Variants in MTUS2 observed in about 807,000 individuals in gnomAD.
MTUS2 encodes microtubule associated scaffold protein 2, also known as microtubule-associated tumor suppressor candidate 2.
A neutral mutation model predicts 114.1 loss-of-function variants in MTUS2; 40 were observed. The ratio of observed to expected loss-of-function variants is 0.35; its 90% CI spans 0.27 to 0.46. The LOEUF is 0.46. MTUS2 is among the 20% of genes least tolerant of loss of function. The pLI, the probability that MTUS2 is intolerant of heterozygous loss-of-function variation, is 1.00. For synonymous variants in MTUS2, 688 were observed against 672.0 expected, an observed-to-expected ratio of 1.02 and a Z score of -0.37; for missense variants, 1,679 against 1,705.4, an observed-to-expected ratio of 0.98 and a Z score of 0.27.
intron 5 of MTUS2, among the ~76,000 whole-genome samples, chr13:29,125,550 G>C (rs189523501): frequency 8.7e-4 from 132 of 152,294 alleles, no homozygotes; most frequent in Admixed American, 2.7e-3. Flanking sequence ...AGAATATGCT[G>C]TGCTGTTTCT....
intron 5 of MTUS2, among the ~76,000 whole-genome samples, chr13:29,118,480 A>T (rs1593495571): frequency 6.6e-6 from 1 of 152,180 alleles, no homozygotes; most frequent in Non-Finnish European, 1.5e-5. Flanking sequence ...TGAGGATGAG[A>T]TTCTATTGTT....
At chr13:29,432,889 A>G (rs1290679032) in intron 8 of MTUS2, among the ~76,000 whole-genome samples, 1 of 152,118 alleles carries the variant, frequency 6.6e-6, no homozygotes, top group African/African-American at 2.4e-5. Context: ...GAGTTGGGAG[A>G]GGCACCTCAC....
At chr13:28,984,648 A>G (rs954747557) in intron 2 of MTUS2, among the ~76,000 whole-genome samples, 3 of 152,216 alleles carry the variant, frequency 2.0e-5, no homozygotes, top group African/African-American at 7.2e-5. Flanking sequence ...CTATGACGTA[A>G]TTTGTCAAAT....
chr13:29,229,944 T>C (rs1166484095), intron 5 of MTUS2, among the ~76,000 whole-genome samples: 1 of 152,142 alleles, frequency 6.6e-6, no homozygotes, highest in African/African-American at 2.4e-5. Flanking sequence ...GCATTCGACT[T>C]TTAAAAATTA....
At chr13:28,932,228 G>T (rs193144008) in intron 2 of MTUS2, among the ~76,000 whole-genome samples, 2 of 152,304 alleles carry the variant, frequency 1.3e-5, no homozygotes, top group African/African-American at 4.8e-5. Flanking sequence ...ACGGACAATT[G>T]TGTGACCTTA....
chr13:28,889,555 G>A (rs1056115229), intron 2 of MTUS2, among the ~76,000 whole-genome samples: 6 of 152,266 alleles, frequency 3.9e-5, no homozygotes, highest in African/African-American at 9.6e-5. Flanking sequence ...AGGATTCCAC[G>A]TGTTCCCTTG....
chr13:29,314,819 C>G (rs1275621195), intron 6 of MTUS2, among the ~76,000 whole-genome samples: 1 of 152,140 alleles, frequency 6.6e-6, no homozygotes, highest in South Asian at 2.1e-4. Context: ...AGTTCTACTA[C>G]TGGGTATATA....
At chr13:29,333,206 C>G (rs1447172668) in intron 7 of MTUS2, among the ~76,000 whole-genome samples, 1 of 151,832 alleles carries the variant, frequency 6.6e-6, no homozygotes, top group Non-Finnish European at 1.5e-5. Flanking sequence ...TCTTTTCTTT[C>G]TTTTTTTTGA....
chr13:29,072,817 CTCT>C (rs1405286997), intron 4 of MTUS2, among the ~76,000 whole-genome samples: 1 of 152,200 alleles, frequency 6.6e-6, no homozygotes, highest in Non-Finnish European at 1.5e-5. Flanking sequence ...CATTGACCAA[CTCT>C]TCTAATTCTG....
At chr13:29,128,754 A>G (rs376804077) in intron 5 of MTUS2, among the ~76,000 whole-genome samples, 22 of 152,284 alleles carry the variant, frequency 1.4e-4, no homozygotes, top group African/African-American at 5.1e-4. Flanking sequence ...TCAAACATAA[A>G]AAAAATGCCA....
At chr13:28,920,666 G>A (rs1880991746) in intron 2 of MTUS2, among the ~76,000 whole-genome samples, 1 of 152,184 alleles carries the variant, frequency 6.6e-6, no homozygotes, top group Non-Finnish European at 1.5e-5. Flanking sequence ...GATGCCCTGA[G>A]TGGGTCCAAA....
intron 2 of MTUS2, among the ~76,000 whole-genome samples, chr13:29,000,424 G>A (rs887659706): frequency 6.6e-6 from 1 of 151,916 alleles, no homozygotes; most frequent in Admixed American, 6.6e-5. Flanking sequence ...GTGCAGTGGC[G>A]TGATCTCAGC....
At chr13:29,388,462 G>C (rs1872783543) in intron 8 of MTUS2, among the ~76,000 whole-genome samples, 1 of 151,124 alleles carries the variant, frequency 6.6e-6, no homozygotes, top group South Asian at 2.1e-4. Context: ...AATGATTACT[G>C]AGGCTAAACT....
chr13:28,823,764 A>G (rs1302971181), intron 1 of MTUS2, among the ~76,000 whole-genome samples: 1 of 152,188 alleles, frequency 6.6e-6, no homozygotes, highest in Non-Finnish European at 1.5e-5. Context: ...GTAATATATA[A>G]AGGAAAGAGG....
chr13:29,110,645 TC>T (rs199844695), intron 5 of MTUS2, among the ~76,000 whole-genome samples: 2,332 of 152,296 alleles, frequency 0.015, 30 homozygotes, highest in Non-Finnish European at 0.022. Context: ...TTTGCTTCCT[TC>T]CCACACATTT....
intron 9 of MTUS2, among the ~76,000 whole-genome samples, chr13:29,441,786 C>T (rs1877898018): frequency 6.6e-6 from 1 of 152,134 alleles, no homozygotes; most frequent in Non-Finnish European, 1.5e-5. Flanking sequence ...CATGTGTGCA[C>T]ACACACATGC....
intron 8 of MTUS2, among the ~76,000 whole-genome samples, chr13:29,369,027 A>AG (rs1197292449): frequency 1.3e-5 from 2 of 152,126 alleles, no homozygotes; most frequent in Admixed American, 1.3e-4. Flanking sequence ...AGCCAAACGG[A>AG]GGGGGCATCT....
chr13:29,493,990 T>G (rs1038700125), intron 12 of MTUS2, among the ~76,000 whole-genome samples: 1 of 152,224 alleles, frequency 6.6e-6, no homozygotes, highest in Non-Finnish European at 1.5e-5. Context: ...ACCTCCTTGG[T>G]CTACAGGCAC....
chr13:28,949,050 T>C (rs1566245092), intron 2 of MTUS2, among the ~76,000 whole-genome samples: 1 of 152,252 alleles, frequency 6.6e-6, no homozygotes, highest in Non-Finnish European at 1.5e-5. Flanking sequence ...GGAACATGTG[T>C]ATGTAGGAGA....
Sources: allele counts gnomAD v4.1 joint callset (sites outside exome capture counted in the v4.1 genomes callset), GRCh38; gene constraint gnomAD v4.1.1; transcripts MANE v1.5; gene names NCBI Gene and HGNC (gene_info 2026-07-23, HGNC 2026-07-21).